PPP2R2C: variants seen among roughly 807,000 people sequenced by gnomAD.
PPP2R2C encodes protein phosphatase 2 regulatory subunit Bgamma, also known as protein phosphatase 2, regulatory subunit B, gamma.
Under a neutral mutation model 45.3 loss-of-function variants are expected in PPP2R2C, and 10 were observed. The observed-to-expected ratio is 0.22, with a 90% CI of 0.14 to 0.37. PPP2R2C has a LOEUF of 0.37. Ranked by LOEUF, PPP2R2C falls within the 10% of genes least tolerant of loss-of-function variation. The pLI is 1.00. For missense variants in PPP2R2C, 308 were observed against 619.7 expected, an observed-to-expected ratio of 0.50 and a Z score of 5.34; for synonymous variants, 257 against 245.4, an observed-to-expected ratio of 1.05 and a Z score of -0.44.
chr4:6,535,371 T>G, exon 2 of PPP2R2C: 1 of 1,520,132 alleles, frequency 6.6e-7, no homozygotes, highest in Non-Finnish European at 8.8e-7. Context: ...TTCTTTCTAT[T>G]TTACTTCTAT....
intron 1 of PPP2R2C, among the ~76,000 whole-genome samples, chr4:6,396,782 G>A (rs1476015886): frequency 6.6e-6 from 1 of 152,244 alleles, no homozygotes; most frequent in Non-Finnish European, 1.5e-5. Context: ...GGGGCTGGGA[G>A]GGGGTAGAGA....
At chr4:6,504,932 G>C (rs1186825610) in intron 2 of PPP2R2C, among the ~76,000 whole-genome samples, 1 of 151,950 alleles carries the variant, frequency 6.6e-6, no homozygotes, top group Admixed American at 6.6e-5. Context: ...TACATTTCCA[G>C]ATCCAAGAAG....
intron 5 of PPP2R2C, among the ~76,000 whole-genome samples, chr4:6,360,477 G>A (rs907377759): frequency 4.6e-5 from 7 of 152,112 alleles, no homozygotes; most frequent in African/African-American, 7.2e-5. Context: ...CAGATGTCTC[G>A]GCAGGAGCCT....
intron 1 of PPP2R2C, chr4:6,381,996 C>G (rs922092376): frequency 7.0e-7 from 1 of 1,422,312 alleles, no homozygotes; most frequent in South Asian, 1.6e-5. Context: ...GGACAAGGCC[C>G]TAGCCTGGAA....
At chr4:6,449,052 C>T (rs1720592701) in intron 1 of PPP2R2C, among the ~76,000 whole-genome samples, 1 of 152,152 alleles carries the variant, frequency 6.6e-6, no homozygotes, top group African/African-American at 2.4e-5. Context: ...ACAGAGGAGG[C>T]CTCCAGAACC....
At chr4:6,498,006 G>T (rs554128188) in intron 2 of PPP2R2C, among the ~76,000 whole-genome samples, 56 of 152,220 alleles carry the variant, frequency 3.7e-4, no homozygotes, top group Non-Finnish European at 7.8e-4. Context: ...TACGCTGTTG[G>T]CTTTGGTGCC....
chr4:6,390,762 G>C (rs1195907256), intron 1 of PPP2R2C, among the ~76,000 whole-genome samples: 1 of 152,216 alleles, frequency 6.6e-6, no homozygotes, highest in Non-Finnish European at 1.5e-5. Flanking sequence ...CACAGATCAG[G>C]CCTGCTCACC....
intron 1 of PPP2R2C, among the ~76,000 whole-genome samples, chr4:6,435,666 G>A (rs1013550203): frequency 2.6e-5 from 4 of 152,192 alleles, no homozygotes; most frequent in Non-Finnish European, 5.9e-5. Flanking sequence ...GAGTAATCTA[G>A]TTCTTAGAAA....
At chr4:6,470,931 C>A (rs952269046) in intron 1 of PPP2R2C, among the ~76,000 whole-genome samples, 1 of 151,656 alleles carries the variant, frequency 6.6e-6, no homozygotes, top group African/African-American at 2.4e-5. Flanking sequence ...GCCTCTGCCT[C>A]CCGGGCCAGG....
intron 1 of PPP2R2C, among the ~76,000 whole-genome samples, chr4:6,449,067 A>C (rs1192125869): frequency 6.6e-6 from 1 of 152,186 alleles, no homozygotes; most frequent in Non-Finnish European, 1.5e-5. Context: ...AGAACCTGTC[A>C]GAAGGAAGGG....
upstream of PPP2R2C, among the ~76,000 whole-genome samples, chr4:6,473,292 T>C (rs1289775173): frequency 6.7e-6 from 1 of 149,432 alleles, no homozygotes; most frequent in Non-Finnish European, 1.5e-5. Context: ...CCCTCCTCCC[T>C]TCCCTCCCTC....
At chr4:6,442,307 G>T (rs561442654) in intron 1 of PPP2R2C, among the ~76,000 whole-genome samples, 1 of 152,346 alleles carries the variant, frequency 6.6e-6, no homozygotes, top group African/African-American at 2.4e-5. Context: ...CCCAGAGAGG[G>T]GCATCAGCTC....
In PPP2R2C at chr4:6,328,562, A is replaced by G. The variant is rs904294796; in HGVS notation, c.1052+700T>C. On this transcript the variant is annotated intron_variant, in intron 8 of 8. Transcript: ENST00000382599. This position sits in a 1 kb window ranked among gnomAD's most constrained non-coding sequence, Gnocchi z 4.4. ...AGGAAGAATCCCAGAGAAGAGACAC[A>G]GAGGTAAGGACCCACGGGTAGAGGT... Among the ~76,000 whole-genome samples the G allele has an allele frequency of 3.3e-5, 5 of 152,226 alleles. No individual in the cohort carries two copies. Among genetic ancestry groups the G allele is most frequent in the African/African-American group, 1.2e-4 (5 of 41,458 alleles).
At chr4:6,456,725 A>G (rs1721060541) in intron 1 of PPP2R2C, among the ~76,000 whole-genome samples, 1 of 152,164 alleles carries the variant, frequency 6.6e-6, no homozygotes, top group Non-Finnish European at 1.5e-5. Context: ...CCACTTCCAC[A>G]GTGAGGAATT....
intron 1 of PPP2R2C, among the ~76,000 whole-genome samples, chr4:6,556,110 G>C (rs1400644337): frequency 2.6e-5 from 4 of 152,176 alleles, no homozygotes; most frequent in African/African-American, 9.7e-5. Flanking sequence ...TCCGCATGGG[G>C]CACGTGGGGG....
intron 1 of PPP2R2C, among the ~76,000 whole-genome samples, chr4:6,538,917 G>A (rs868311606): frequency 1.3e-5 from 2 of 152,092 alleles, no homozygotes; most frequent in African/African-American, 4.8e-5. Context: ...CACAAATATC[G>A]AGCCCGTTAC....
intron 1 of PPP2R2C, among the ~76,000 whole-genome samples, chr4:6,546,143 C>T (rs1313433546): frequency 6.6e-6 from 1 of 152,190 alleles, no homozygotes; most frequent in African/African-American, 2.4e-5. Flanking sequence ...GCTTTGGAGA[C>T]ATATCCATGG....
chr4:6,554,267 G>A (rs12505438), intron 1 of PPP2R2C, among the ~76,000 whole-genome samples: 3,988 of 152,274 alleles, frequency 0.026, 214 homozygotes, highest in East Asian at 0.23. Context: ...GAGACAGACA[G>A]GCACAGGGAG....
intron 1 of PPP2R2C, among the ~76,000 whole-genome samples, chr4:6,539,776 G>A (rs1724749113): frequency 6.6e-6 from 1 of 152,174 alleles, no homozygotes; most frequent in Admixed American, 6.5e-5. Context: ...CCCTCGCTCA[G>A]CCTCACCACA....
Sources: gnomAD v4.1 joint callset for allele counts (sites outside exome capture counted in the v4.1 genomes callset) on GRCh38, gnomAD v4.1.1 for gene constraint, Gnocchi (gnomAD v3.1) non-coding constraint, MANE v1.5 for transcripts, NCBI Gene and HGNC (gene_info 2026-07-23, HGNC 2026-07-21) for gene names.